Variants in CCDC181 observed in about 807,000 individuals in gnomAD.
CCDC181 encodes coiled-coil domain-containing protein 181.
A neutral mutation model predicts 58.7 loss-of-function variants in CCDC181; 35 were observed. That is an observed-to-expected ratio of 0.60 (90% CI 0.46 to 0.79). The LOEUF (loss-of-function observed/expected upper bound fraction) is 0.79, where lower values mean the gene tolerates loss of function less well. Among genes scored for constraint, CCDC181 ranks in the 30% least tolerant of loss-of-function variants. The probability of loss-of-function intolerance (pLI) is 0.00; values close to 1 mark genes in which losing one functional copy is unlikely to be tolerated. For missense variants in CCDC181, 517 were observed against 583.9 expected (o/e 0.89, Z 1.18); for synonymous variants, 183 against 197.5 (o/e 0.93, Z 0.62).
chr1:169,409,488 T>C (rs1655843963), intron 4 of CCDC181, among the ~76,000 whole-genome samples: 1 of 152,134 alleles, frequency 6.6e-6, no homozygotes, highest in African/African-American at 2.4e-5. Context: ...CCAGGAGAAC[T>C]TCCCCAACCT....
chr1:169,452,537 C>CT (rs1331643912), intron 2 of CCDC181: 3 of 152,204 alleles, frequency 2.0e-5, no homozygotes, highest in East Asian at 3.9e-4. Flanking sequence ...CTAATGAAGT[C>CT]TAAGTTTCAG....
chr1:169,440,931 T>TAAGAAAAAAAAAAAAAA (rs1657206695), intron 2 of CCDC181, among the ~76,000 whole-genome samples: 5 of 76,900 alleles, frequency 6.5e-5, no homozygotes, highest in African/African-American at 2.6e-4. Flanking sequence ...CAAGACTGTC[T>TAAGAAAAAAAAAAAAAA]AAAAAAAAAA....
intron 4 of CCDC181, among the ~76,000 whole-genome samples, chr1:169,404,612 C>T (rs972396238): frequency 6.6e-6 from 1 of 152,130 alleles, no homozygotes; most frequent in Non-Finnish European, 1.5e-5. Context: ...ATTCAACAGC[C>T]CTTTATCCTA....
At chr1:169,429,525 G>A (rs1381896630), upstream of CCDC181, among the ~76,000 whole-genome samples, 1 of 152,012 alleles carries the variant, frequency 6.6e-6, no homozygotes, top group South Asian at 2.1e-4. Flanking sequence ...ATCGTATTGA[G>A]GTTTTGATTT....
intron 4 of CCDC181, among the ~76,000 whole-genome samples, chr1:169,408,153 A>G (rs971359833): frequency 1.3e-5 from 2 of 152,238 alleles, no homozygotes; most frequent in Non-Finnish European, 2.9e-5. Flanking sequence ...AAGCCCAGCA[A>G]GCTAAGATCC....
intron 2 of CCDC181, among the ~76,000 whole-genome samples, chr1:169,449,595 G>A (rs1657475983): frequency 6.6e-6 from 1 of 152,200 alleles, no homozygotes; most frequent in Admixed American, 6.5e-5. Flanking sequence ...TTCAGTCTGT[G>A]GCCGAAGGCC....
chr1:169,422,534 G>C (rs148207691), intron 2 of CCDC181, among the ~76,000 whole-genome samples: 231 of 152,208 alleles, frequency 1.5e-3, no homozygotes, highest in Non-Finnish European at 1.9e-3. Flanking sequence ...ATTTGAATTT[G>C]ATGTAGCTAA....
intron 2 of CCDC181, among the ~76,000 whole-genome samples, chr1:169,455,679 C>A (rs1373457188): frequency 6.6e-6 from 1 of 152,092 alleles, no homozygotes; most frequent in Non-Finnish European, 1.5e-5. Context: ...ACAAAAACTG[C>A]CCTTCCTAGC....
At chr1:169,444,981 T>A (rs1452920629) in intron 2 of CCDC181, among the ~76,000 whole-genome samples, 1 of 152,168 alleles carries the variant, frequency 6.6e-6, no homozygotes, top group Non-Finnish European at 1.5e-5. Flanking sequence ...CTCCTTACCT[T>A]ACTTCCAAGG....
chr1:169,443,112 C>G (rs181376832), intron 2 of CCDC181: 1 of 151,608 alleles, frequency 6.6e-6, no homozygotes, highest in African/African-American at 2.4e-5. Context: ...TATTCGCTCT[C>G]ATGTGTCACA....
chr1:169,460,607 T>C lies in CCDC181; in HGVS notation c.-446A>G, dbSNP rs960452228. On this transcript the variant is annotated 5_prime_UTR_variant, in exon 1 of 7. Transcript: ENST00000545005. ...CAGCCGCACACCCAGAAGGAGGGAGTCGCTGGCCGGGAGATCGGGCTCCAG... is the reference window on the plus strand; with the variant it reads ...CAGCCGCACACCCAGAAGGAGGGAGCCGCTGGCCGGGAGATCGGGCTCCAG... 4.0e-5 allele frequency: 6 copies of C among 151,670 alleles called. No homozygotes were observed. The South Asian group carries it at 1.3e-3, about 32-fold the overall frequency. 9.4% of individuals were successfully genotyped at this position (151,670 alleles called of 1,614,324 possible). A position where few individuals can be genotyped will look rare whatever the true frequency, so the allele number is the denominator to read the frequency against.
intron 2 of CCDC181, among the ~76,000 whole-genome samples, chr1:169,458,660 A>G (rs1657748471): frequency 1.3e-5 from 2 of 152,060 alleles, no homozygotes; most frequent in Non-Finnish European, 2.9e-5. Flanking sequence ...CTTTCTTGGT[A>G]CTTGCTCATT....
chr1:169,404,590 G>A (rs1212792274), intron 4 of CCDC181, among the ~76,000 whole-genome samples: 1 of 152,106 alleles, frequency 6.6e-6, no homozygotes, highest in Non-Finnish European at 1.5e-5. Flanking sequence ...TGCAGAAAAG[G>A]CCTTCGAAAA....
At chr1:169,450,761 A>C (rs1299807218) in intron 2 of CCDC181, among the ~76,000 whole-genome samples, 2 of 152,216 alleles carry the variant, frequency 1.3e-5, no homozygotes, top group African/African-American at 2.4e-5. Flanking sequence ...TCCCATCAGC[A>C]ATGTATGAGA....
chr1:169,407,575 T>A (rs1655734036), intron 4 of CCDC181, among the ~76,000 whole-genome samples: 1 of 152,124 alleles, frequency 6.6e-6, no homozygotes, highest in Non-Finnish European at 1.5e-5. Context: ...AGATAACAAA[T>A]ATCAAGATGA....
intron 4 of CCDC181, among the ~76,000 whole-genome samples, chr1:169,410,192 T>G (rs2102065386): frequency 7.0e-6 from 1 of 143,790 alleles, no homozygotes; most frequent in Middle Eastern, 3.6e-3. Flanking sequence ...GAGGAACATT[T>G]ACCAAGCAAA....
upstream of CCDC181, among the ~76,000 whole-genome samples, chr1:169,428,985 A>G (rs1265304047): frequency 6.6e-6 from 1 of 152,154 alleles, no homozygotes; most frequent in Non-Finnish European, 1.5e-5. Context: ...AGTCCACTGT[A>G]TCATCTTTAC....
chr1:169,417,582 A>G (rs1242010000), intron 4 of CCDC181, among the ~76,000 whole-genome samples: 1 of 152,106 alleles, frequency 6.6e-6, no homozygotes, highest in Non-Finnish European at 1.5e-5. Flanking sequence ...GCTTCATCAC[A>G]TAGTTATTGA....
At chr1:169,401,765 CT>C (rs1001659537) in intron 4 of CCDC181, among the ~76,000 whole-genome samples, 3 of 152,210 alleles carry the variant, frequency 2.0e-5, no homozygotes, top group Non-Finnish European at 4.4e-5. Context: ...GAATGCAGCT[CT>C]TCCCCAGCAA....
Sources: gnomAD v4.1 joint callset for allele counts (sites outside exome capture counted in the v4.1 genomes callset) on GRCh38, gnomAD v4.1.1 for gene constraint, MANE v1.5 for transcripts, NCBI Gene and HGNC (gene_info 2026-07-23, HGNC 2026-07-21) for gene names.